ADAMTS12: variants seen among roughly 807,000 people sequenced by gnomAD.
ADAMTS12 encodes A disintegrin and metalloproteinase with thrombospondin motifs 12.
Under a neutral mutation model 167.8 loss-of-function variants are expected in ADAMTS12, and 118 were observed. The ratio of observed to expected loss-of-function variants is 0.70; its 90% CI spans 0.61 to 0.82. The LOEUF is 0.82. Ranked by LOEUF, ADAMTS12 falls within the 40% of genes least tolerant of loss-of-function variation. ADAMTS12 has a pLI of 0.00. For missense variants in ADAMTS12, 1,916 were observed against 1,998.8 expected (o/e 0.96, Z 0.79); for synonymous variants, 704 against 716.9 (o/e 0.98, Z 0.29).
rs1740700242 is a variant in ADAMTS12, at chr5:33,647,195, G to A, written c.1479+1627C>T. 1.3e-5 allele frequency among the ~76,000 whole-genome samples: 2 copies of A among 152,196 alleles called. 1 individual carries two copies. ...CATAAGGCCGGAGAGCAAGAGGAGAGCGAATTATGAAGCCTCTTCTTAAGC... is the reference window on the plus strand; with the variant it reads ...CATAAGGCCGGAGAGCAAGAGGAGAACGAATTATGAAGCCTCTTCTTAAGC... On this transcript the variant is annotated intron_variant, in intron 9 of 23. Transcript: ENST00000504830.
chr5:33,863,485 A>C (rs569258270), intron 2 of ADAMTS12, among the ~76,000 whole-genome samples: 52 of 152,348 alleles, frequency 3.4e-4, no homozygotes, highest in Admixed American at 3.4e-3. Flanking sequence ...CCAACTTACA[A>C]GGAATGTAAA....
chr5:33,554,965 A>C (rs1745424374), intron 20 of ADAMTS12, among the ~76,000 whole-genome samples: 1 of 152,216 alleles, frequency 6.6e-6, no homozygotes, highest in African/African-American at 2.4e-5. Context: ...ACAGATTATT[A>C]CAAAAAAAAA....
intron 2 of ADAMTS12, among the ~76,000 whole-genome samples, chr5:33,776,983 C>T (rs1273680207): frequency 6.6e-6 from 1 of 151,988 alleles, no homozygotes; most frequent in Non-Finnish European, 1.5e-5. Flanking sequence ...CATGAAGAAA[C>T]AGAAAATCTG....
chr5:33,767,213 T>C (rs1052491449), intron 2 of ADAMTS12, among the ~76,000 whole-genome samples: 15 of 152,148 alleles, frequency 9.9e-5, no homozygotes, highest in African/African-American at 3.1e-4. Flanking sequence ...TAGAAATATA[T>C]AGGAAATACA....
At chr5:33,530,318 C>T (rs1244155868) in intron 23 of ADAMTS12, among the ~76,000 whole-genome samples, 1 of 152,218 alleles carries the variant, frequency 6.6e-6, no homozygotes, top group Non-Finnish European at 1.5e-5. Flanking sequence ...AATATCCCTT[C>T]CAGCTCTTCA....
At chr5:33,811,313 G>C (rs1867719) in intron 2 of ADAMTS12, among the ~76,000 whole-genome samples, 36,989 of 152,102 alleles carry the variant, frequency 0.24, 5,978 homozygotes, top group Non-Finnish European at 0.36. Flanking sequence ...TATTAAACTA[G>C]GAAAATATAT....
At chr5:33,690,156 C>T (rs994797109) in intron 3 of ADAMTS12, among the ~76,000 whole-genome samples, 2 of 152,224 alleles carry the variant, frequency 1.3e-5, no homozygotes, top group South Asian at 2.1e-4. Context: ...CATCCATTAG[C>T]AACAAGGGCT....
intron 5 of ADAMTS12, among the ~76,000 whole-genome samples, chr5:33,663,116 C>T (rs960579178): frequency 1.3e-5 from 2 of 152,252 alleles, no homozygotes; most frequent in African/African-American, 2.4e-5. Flanking sequence ...AGACCAGTTT[C>T]CTTTTGTGAA....
intron 5 of ADAMTS12, among the ~76,000 whole-genome samples, chr5:33,663,383 G>C (rs1225486040): frequency 6.6e-6 from 1 of 151,938 alleles, no homozygotes; most frequent in Non-Finnish European, 1.5e-5. Context: ...TAAAAAACTG[G>C]TCAGGTGGCA....
chr5:33,590,097 T>G (rs1747558324), intron 17 of ADAMTS12, among the ~76,000 whole-genome samples: 1 of 152,208 alleles, frequency 6.6e-6, no homozygotes, highest in Non-Finnish European at 1.5e-5. Flanking sequence ...TCTAATTACT[T>G]TGTCCTGCCT....
chr5:33,818,408 A>G (rs1443902616), intron 2 of ADAMTS12, among the ~76,000 whole-genome samples: 1 of 152,082 alleles, frequency 6.6e-6, no homozygotes, highest in Non-Finnish European at 1.5e-5. Flanking sequence ...TAATGTCCTA[A>G]TGGCAGGATC....
intron 2 of ADAMTS12, among the ~76,000 whole-genome samples, chr5:33,876,609 G>C (rs1750235761): frequency 6.6e-6 from 1 of 152,120 alleles, no homozygotes; most frequent in African/African-American, 2.4e-5. Flanking sequence ...AAAGGAGGGA[G>C]GAGGGGAGGG....
At chr5:33,569,264 G>A (rs1405502240) in intron 19 of ADAMTS12, among the ~76,000 whole-genome samples, 1 of 152,236 alleles carries the variant, frequency 6.6e-6, no homozygotes, top group Admixed American at 6.5e-5. Flanking sequence ...GCACGCAGCT[G>A]GAGATCTGAG....
chr5:33,599,769 C>A (rs942958211), intron 16 of ADAMTS12, among the ~76,000 whole-genome samples: 1 of 152,216 alleles, frequency 6.6e-6, no homozygotes, highest in African/African-American at 2.4e-5. Context: ...GTGATACACT[C>A]ATTAACTCTG....
In ADAMTS12 at chr5:33,546,060, A is replaced by T. The variant is rs764783108; in HGVS notation, c.4445T>A (p.Leu1482Gln). 2.5e-6 allele frequency: 4 copies of T among 1,608,188 alleles called. No homozygotes were observed. The Admixed American group carries it at 5.1e-5, about 21-fold the overall frequency. The change falls in exon 22 of 24, where the codon CTG becomes CAG. Residue 1482 changes from leucine (L) to glutamine (Q), a missense_variant and splice_region_variant. Transcript: ENST00000504830. ...AAAGTATGTATAACCAAGTCTTACCAGGTCCCAGTTCCCAGTGGCCCAGTG... is the reference window on the plus strand; with the variant it reads ...AAAGTATGTATAACCAAGTCTTACCTGGTCCCAGTTCCCAGTGGCCCAGTG... ...CCHWATGNWD[L>Q]CSTSCGGGFQ...
intron 22 of ADAMTS12, among the ~76,000 whole-genome samples, chr5:33,539,348 T>C (rs1254604446): frequency 6.6e-6 from 1 of 152,198 alleles, no homozygotes; most frequent in African/African-American, 2.4e-5. Context: ...ATTATTTTGT[T>C]CCATCAAACA....
chr5:33,869,026 T>C (rs1395418743), intron 2 of ADAMTS12, among the ~76,000 whole-genome samples: 1 of 152,124 alleles, frequency 6.6e-6, no homozygotes. Flanking sequence ...GAGAACTGAA[T>C]GTTAATAGTC....
intron 3 of ADAMTS12, among the ~76,000 whole-genome samples, chr5:33,697,774 G>A (rs1742837745): frequency 6.6e-6 from 1 of 152,286 alleles, no homozygotes; most frequent in African/African-American, 2.4e-5. Context: ...AGCCAACCGG[G>A]ATTAGTTCAG....
intron 14 of ADAMTS12, among the ~76,000 whole-genome samples, chr5:33,622,909 C>T (rs1284564639): frequency 2.0e-5 from 3 of 152,154 alleles, no homozygotes; most frequent in African/African-American, 7.2e-5. Flanking sequence ...CAATCAAAGA[C>T]ATGAAATACA....
Sources: gnomAD v4.1 joint callset for allele counts (sites outside exome capture counted in the v4.1 genomes callset) on GRCh38, gnomAD v4.1.1 for gene constraint, MANE v1.5 for transcripts, NCBI Gene and HGNC (gene_info 2026-07-23, HGNC 2026-07-21) for gene names.